The following CLCNKA variants were observed in gnomAD, a reference collection of about 807,000 sequenced individuals.
The protein encoded by CLCNKA is chloride voltage-gated channel Ka, also known as chloride channel protein ClC-Ka.
Under a neutral mutation model 83.3 loss-of-function variants are expected in CLCNKA, and 66 were observed. That is an observed-to-expected ratio of 0.79 (90% confidence interval 0.65 to 0.97). The LOEUF is 0.97. CLCNKA is among the 50% of genes least tolerant of loss of function. The pLI, the probability that CLCNKA is intolerant of heterozygous loss-of-function variation, is 0.00. For synonymous variants in CLCNKA, 357 were observed against 370.4 expected (o/e 0.96, Z 0.42); for missense variants, 806 against 888.7 (o/e 0.91, Z 1.18).
At chr1:16,026,327 T>TGGGTCAGAGCAGACTC in intron 5 of CLCNKA, 80 bp downstream of exon 5, 3 of 1,474,660 alleles carry the variant, frequency 2.0e-6, no homozygotes, top group Non-Finnish European at 2.8e-6. Flanking sequence ...CCACCAAAGC[T>TGGGTCAGAGCAGACTC]GGGTCAGAGC....
chr1:16,028,948 C>A, intron 11 of CLCNKA, 103 bp downstream of exon 11: 1 of 1,514,166 alleles, frequency 6.6e-7, no homozygotes, highest in Non-Finnish European at 9.1e-7. Flanking sequence ...AGGGTGACAC[C>A]TGGGCATCAT....
Position 16,032,286 on chromosome 1 carries a change from CACCAGGTGGTTACTCCT to C in CLCNKA, c.1841_1845+12del. The C allele has an allele frequency of 6.3e-7, 1 of 1,576,768 alleles. No individual in the cohort carries two copies. The highest frequency in any genetic ancestry group is 1.3e-5 in the African/African-American group (1 of 74,228). ...TGAGCCTCCTTCCAGGGCTCCAGGA[CACCAGGTGGTTACTCCT>C]GAGGGGCGTGGGGATGGGGCGGGGG... On this transcript the variant is annotated splice_donor_variant and splice_donor_5th_base_variant and coding_sequence_variant and intron_variant, in exon 17 of 20. Transcript: ENST00000331433. LOFTEE classifies it high-confidence loss of function.
intron 11 of CLCNKA, 37 bp downstream of exon 11, chr1:16,028,882 C>T (rs761390039): frequency 6.2e-7 from 1 of 1,605,118 alleles, no homozygotes; most frequent in African/African-American, 1.3e-5. Context: ...GGAGTGGGAA[C>T]CCCCATTTGT....
At chr1:16,029,663 C>T in intron 12 of CLCNKA, 68 bp from the exon 13 acceptor site, 1 of 1,581,264 alleles carries the variant, frequency 6.3e-7, no homozygotes, top group Non-Finnish European at 8.7e-7. Flanking sequence ...GTCCCCTGTC[C>T]TGTCTTCTCT....
intron 2 of CLCNKA, among the ~76,000 whole-genome samples, chr1:16,023,213 C>G (rs541088617): frequency 1.3e-5 from 2 of 152,232 alleles, no homozygotes; most frequent in African/African-American, 4.8e-5. Context: ...CAGTGAGGGC[C>G]AGCTCCCAGG....
rs2022342592 is a variant in CLCNKA at position 16,026,267 on chromosome 1, C to T, written c.498+20C>T. ...AAAGTGGTATGGTCAGGTGTGAGGG[C>T]ACCCCAGCCACCCCGCCCACCCTAC... is the stretch of plus-strand genomic sequence containing the variant. On this transcript the variant is annotated intron_variant, in intron 5 of 19. Coordinates refer to ENST00000331433, the MANE Select transcript of CLCNKA (RefSeq NM_004070.4). 2 of 1,612,600 alleles carry T rather than the reference C, an allele frequency of 1.2e-6. No homozygotes were observed. The highest frequency in any genetic ancestry group is 1.7e-6 in the Non-Finnish European group (2 of 1,179,818).
rs371805800 is a variant in CLCNKA, at chr1:16,026,633, C to T, written c.576+20C>T. ...CCTGAGGTTAGGGACTCGGGGGCTT[C>T]CTTGGAGAAATGGGAGTGGGGAGGG... On this transcript the variant is annotated intron_variant, in intron 6 of 19. Transcript: ENST00000331433. The T allele has an allele frequency of 1.5e-5, 25 of 1,613,798 alleles. No individual in the cohort carries two copies. The East Asian group carries it at 3.6e-4, about 23-fold the overall frequency.
chr1:16,028,915 C>G, intron 11 of CLCNKA, 70 bp downstream of exon 11: 1 of 1,566,852 alleles, frequency 6.4e-7, no homozygotes. Context: ...ATGTGTCTCA[C>G]GTAATACCCT....
intron 17 of CLCNKA, 27 bp downstream of exon 17, chr1:16,032,318 T>C: frequency 3.5e-6 from 1 of 285,032 alleles, no homozygotes; most frequent in Non-Finnish European, 7.4e-6. Flanking sequence ...GGCGTGGGGA[T>C]GGGGCGGGGG....
At chr1:16,028,476 C>T in intron 10 of CLCNKA, 1 of 626,382 alleles carries the variant, frequency 1.6e-6, no homozygotes, top group Admixed American at 2.3e-5. Flanking sequence ...CCCGGCCCGG[C>T]CCACTGTCTC....
At chr1:16,022,563 G>A (rs562466256) in intron 1 of CLCNKA, 50 bp from the exon 2 acceptor site, 12 of 1,395,340 alleles carry the variant, frequency 8.6e-6, no homozygotes, top group Middle Eastern at 2.1e-4. Context: ...GAGGCAGCGC[G>A]AGGACGTGCA....
rs2022578448 is a variant in CLCNKA, at chr1:16,030,471, C to G, written c.1419C>G (p.Ala473=). 1.2e-6 allele frequency: 2 copies of G among 1,612,636 alleles called. No homozygotes were observed. The highest frequency in any genetic ancestry group is 1.7e-6 in the Non-Finnish European group (2 of 1,179,944). ...GCTCTGCCCCGGCAGGGGCTGCAGC[C>G]TTCTCAGGGGCTGTGACCCACACCA... ...PGGYALAGAA[A]FSGAVTHTIS... is the part of the protein sequence containing the mutation. Residue 473 remains alanine, a synonymous_variant, in exon 15 of 20, where the codon GCC becomes GCG. Coordinates refer to ENST00000331433, the MANE Select transcript of CLCNKA (RefSeq NM_004070.4).
At chr1:16,027,039 A>G in intron 7 of CLCNKA, 1 of 647,904 alleles carries the variant, frequency 1.5e-6, no homozygotes, top group Non-Finnish European at 2.6e-6. Flanking sequence ...GGCCTCTCTG[A>G]GCGCAGCTTC....
chr1:16,026,756 C>A lies in CLCNKA; in HGVS notation c.636C>A (p.Val212=). Residue 212 remains valine, a synonymous_variant, in exon 7 of 20, where the codon GTC becomes GTA. Transcript: ENST00000331433. ...VAAAAVGVAT[V]FAAPFSGVLF... ...CGGCGGCAGTGGGCGTGGCCACAGTCTTTGCAGCTCCCTTCAGCGGTGAGA... is the reference window on the plus strand; with the variant it reads ...CGGCGGCAGTGGGCGTGGCCACAGTATTTGCAGCTCCCTTCAGCGGTGAGA... 4 of 1,613,606 alleles carry A rather than the reference C, an allele frequency of 2.5e-6. No homozygotes were observed. The highest frequency in any genetic ancestry group is 3.4e-6 in the Non-Finnish European group (4 of 1,179,836).
At chr1:16,027,150 C>G (rs369683316) in intron 7 of CLCNKA, among the ~76,000 whole-genome samples, 160 bp from the exon 8 acceptor site, 1 of 152,162 alleles carries the variant, frequency 6.6e-6, no homozygotes, top group Non-Finnish European at 1.5e-5. Flanking sequence ...GGGTCCTCCC[C>G]GCCCAGGGCG....
In CLCNKA at chr1:16,029,974, T is replaced by C. The variant is rs1275311335; in HGVS notation, c.1307T>C (p.Ile436Thr). The change falls in exon 14 of 20, where the codon ATC (isoleucine) becomes ACC (threonine). Residue 436 changes from isoleucine (I) to threonine (T), a missense_variant. Physicochemically the swap from Ile to Thr is moderately conservative, Grantham distance 89 (BLOSUM62 -1). Transcript: ENST00000331433. Reference protein sequence around the residue: ...FMPIFILGAAIGRLLGEALAV... With the variant: ...FMPIFILGAATGRLLGEALAV... ...CTAAGTCTGTGGCCAGGAGCTGCCA[T>C]CGGGCGCCTCTTGGGAGAGGCTCTT... 15 of 1,611,238 alleles carry C rather than the reference T, an allele frequency of 9.3e-6. No individual in the cohort carries two copies. The Admixed American group carries it at 2.5e-4, about 27-fold the overall frequency.
intron 7 of CLCNKA, 150 bp from the exon 8 acceptor site, chr1:16,027,160 G>C (rs1272959613): frequency 8.7e-7 from 1 of 1,156,026 alleles, no homozygotes; most frequent in Non-Finnish European, 1.2e-6. Context: ...CGCCCAGGGC[G>C]CAAGCCCTGC....
At chr1:16,032,023 G>T (rs762454325) in intron 16 of CLCNKA, among the ~76,000 whole-genome samples, 180 bp downstream of exon 16, 10 of 152,168 alleles carry the variant, frequency 6.6e-5, no homozygotes, top group Non-Finnish European at 1.3e-4. Flanking sequence ...GGAAATCATG[G>T]CTACCCTCCC....
chr1:16,026,543 T>C lies in CLCNKA; in HGVS notation c.506T>C (p.Phe169Ser), dbSNP rs535444141. The C allele has an allele frequency of 6.8e-6, 11 of 1,613,968 alleles. No homozygotes were observed. The highest frequency in any genetic ancestry group is 2.2e-5 in the South Asian group (2 of 91,078). The change falls in exon 6 of 20, where the codon TTC becomes TCC. Residue 169 changes from phenylalanine (F) to serine (S), a missense_variant. Transcript: ENST00000331433. ...STLFLGKVGP[F>S]VHLSVMIAAY... is the part of the protein sequence containing the mutation. ...CCACCCTTCCCTCTGCAGGGCCCTT[T>C]CGTGCACCTGTCTGTAATGATCGCT...
Sources: gnomAD v4.1 joint callset for allele counts (sites outside exome capture counted in the v4.1 genomes callset) on GRCh38, gnomAD v4.1.1 for gene constraint, MANE v1.5 for transcripts, NCBI Gene and HGNC (gene_info 2026-07-23, HGNC 2026-07-21) for gene names.